The following DYNLL1 variants were observed in gnomAD, a reference collection of about 807,000 sequenced individuals.
DYNLL1 encodes the protein dynein light chain LC8-type 1, also known as dynein light chain 1, cytoplasmic.
In DYNLL1, 3 loss-of-function variants were observed where a neutral mutation model predicts 10.1. The observed-to-expected ratio is 0.30, with a 90% CI of 0.14 to 0.77. The LOEUF is 0.77. Ranked by LOEUF, DYNLL1 falls within the 30% of genes least tolerant of loss-of-function variation. DYNLL1 has a pLI of 0.66. For synonymous variants in DYNLL1, 46 were observed against 41.2 expected (o/e 1.12, Z -0.45); for missense variants, 47 against 111.7 (o/e 0.42, Z 2.61).
chr12:120,471,972 A>G (rs748552325), intron 1 of DYNLL1, among the ~76,000 whole-genome samples: 1 of 152,142 alleles, frequency 6.6e-6, no homozygotes, highest in Admixed American at 6.6e-5. Context: ...TTACATGTGT[A>G]TATTTATCAT....
chr12:120,481,622 T>G (rs1048382247), intron 1 of DYNLL1, among the ~76,000 whole-genome samples: 21 of 152,138 alleles, frequency 1.4e-4, no homozygotes, highest in Non-Finnish European at 2.8e-4. Flanking sequence ...GGAACAGAGC[T>G]TCCATGTCCT....
At chr12:120,494,694 G>A (rs1470083346), upstream of DYNLL1, among the ~76,000 whole-genome samples, 4 of 152,082 alleles carry the variant, frequency 2.6e-5, no homozygotes, top group African/African-American at 9.7e-5. Flanking sequence ...GAGCTCAAGC[G>A]ATCCCCTTGA....
At chr12:120,477,855 G>A (rs189314682) in intron 1 of DYNLL1, among the ~76,000 whole-genome samples, 1 of 152,050 alleles carries the variant, frequency 6.6e-6, no homozygotes, top group Non-Finnish European at 1.5e-5. Context: ...GGAGTGCAAT[G>A]GTGCGATGTC....
At chr12:120,469,845 C>T (rs181199035), upstream of DYNLL1, 4,469 of 262,522 alleles carry the variant, frequency 0.017, 46 homozygotes, top group South Asian at 0.051. Context: ...GAAGGGCCTT[C>T]GGGCGCTGAC....
chr12:120,472,335 C>T (rs996977831), intron 1 of DYNLL1, among the ~76,000 whole-genome samples: 1 of 152,102 alleles, frequency 6.6e-6, no homozygotes, highest in Non-Finnish European at 1.5e-5. Context: ...TAAATGATTC[C>T]TAAAATAAAA....
chr12:120,484,897 C>G (rs1156598159), intron 1 of DYNLL1, among the ~76,000 whole-genome samples: 1 of 152,184 alleles, frequency 6.6e-6, no homozygotes, highest in East Asian at 1.9e-4. Context: ...CAACACTACA[C>G]CTGGCTAATT....
chr12:120,487,248 C>T (rs1474574393), intron 1 of DYNLL1, among the ~76,000 whole-genome samples: 10 of 122,940 alleles, frequency 8.1e-5, no homozygotes, highest in African/African-American at 2.8e-4. Flanking sequence ...GCTGGGATTA[C>T]AGGCGTAAGC....
At chr12:120,470,231 A>T (rs1878614038) in intron 1 of DYNLL1, 2 of 152,166 alleles carry the variant, frequency 1.3e-5, no homozygotes, top group Admixed American at 6.6e-5. Context: ...ACTCTTAATG[A>T]GTATCACAGC....
rs1314658622 is a variant in DYNLL1, at chr12:120,478,096, G to A, written c.-7+7992G>A. On this transcript the variant is annotated intron_variant, in intron 1 of 2. Coordinates refer to the DYNLL1 transcript ENST00000392509. ...CTTGAGCCACTGCACCCGGCCAAAA[G>A]TTTTTTTTTTTGTTGTTGTTTTTTT... 4.5e-5 allele frequency among the ~76,000 whole-genome samples: 6 copies of A among 133,876 alleles called. No individual in the cohort carries two copies. In the Admixed American group the frequency reaches 4.5e-4, roughly 10 times the overall value. 87.8% of individuals were successfully genotyped at this position (133,876 alleles called of 152,430 possible). A position where few individuals can be genotyped will look rare whatever the true frequency, so the allele number is the denominator to read the frequency against.
intron 1 of DYNLL1, among the ~76,000 whole-genome samples, chr12:120,486,933 C>G (rs1156436577): frequency 1.3e-5 from 2 of 151,548 alleles, no homozygotes; most frequent in Admixed American, 1.3e-4. Context: ...TTGTGGGATT[C>G]AGGAGGATGA....
chr12:120,474,281 C>CA (rs760659364), intron 1 of DYNLL1, among the ~76,000 whole-genome samples: 1 of 152,124 alleles, frequency 6.6e-6, no homozygotes, highest in African/African-American at 2.4e-5. Flanking sequence ...GCCTGGGCGA[C>CA]AGAGTGAGAT....
intron 2 of DYNLL1, chr12:120,497,252 GTGA>G (rs1203569983): frequency 6.5e-6 from 1 of 153,176 alleles, no homozygotes; most frequent in East Asian, 1.9e-4. Context: ...TAAATCTTGT[GTGA>G]CGCTCCACAA....
At chr12:120,474,433 A>C (rs1878712469) in intron 1 of DYNLL1, among the ~76,000 whole-genome samples, 1 of 104,018 alleles carries the variant, frequency 9.6e-6, no homozygotes, top group African/African-American at 4.7e-5. Flanking sequence ...CCAACTGAAA[A>C]AAACAACATA....
intron 1 of DYNLL1, among the ~76,000 whole-genome samples, chr12:120,483,864 G>C (rs1433291393): frequency 1.3e-5 from 2 of 152,080 alleles, no homozygotes; most frequent in Non-Finnish European, 2.9e-5. Flanking sequence ...CCAGTGAGAT[G>C]GGAGGACAGC....
intron 2 of DYNLL1, chr12:120,496,790 C>T (rs1374804590): frequency 1.6e-6 from 1 of 621,484 alleles, no homozygotes; most frequent in African/African-American, 1.9e-5. Flanking sequence ...GGGAAAGCGC[C>T]ACCTAGCAAC....
chr12:120,488,851 TGTG>T (rs1879056568), intron 1 of DYNLL1, among the ~76,000 whole-genome samples: 1 of 151,932 alleles, frequency 6.6e-6, no homozygotes, highest in African/African-American at 2.4e-5. Flanking sequence ...AGGCGGAGGT[TGTG>T]GTGAGCCAAG....
chr12:120,484,489 C>A (rs1878950048), intron 1 of DYNLL1, among the ~76,000 whole-genome samples: 1 of 152,106 alleles, frequency 6.6e-6, no homozygotes. Flanking sequence ...GGGAAAAAAT[C>A]AAATTTTAAC....
Position 120,498,053 on chromosome 12 carries a change from T to G in DYNLL1, c.133-20T>G, listed in dbSNP as rs1157171562. ...CCTCTGGTAATTAAAATCCTAGTTC[T>G]TTTCTTTTGTCTTTTCCAGGAATTT... On this transcript the variant is annotated intron_variant, in intron 2 of 2. Transcript: ENST00000242577. 6.2e-7 allele frequency: 1 copy of G among 1,611,426 alleles called. No individual in the cohort carries two copies. Among genetic ancestry groups the G allele is most frequent in the Admixed American group, 1.7e-5 (1 of 59,724 alleles).
intron 1 of DYNLL1, among the ~76,000 whole-genome samples, chr12:120,479,233 G>A (rs1265064209): frequency 1.3e-5 from 2 of 148,836 alleles, no homozygotes; most frequent in Non-Finnish European, 3.0e-5. Context: ...AGGCTGAGGC[G>A]GGCAGATCAT....
Sources: gnomAD v4.1 joint callset for allele counts (sites outside exome capture counted in the v4.1 genomes callset) on GRCh38, gnomAD v4.1.1 for gene constraint, MANE v1.5 for transcripts, NCBI Gene and HGNC (gene_info 2026-07-23, HGNC 2026-07-21) for gene names.